Variants in PRKX observed in about 807,000 individuals in gnomAD.
PRKX encodes the protein protein kinase cAMP-dependent X-linked catalytic subunit.
In PRKX, 12 loss-of-function variants were observed where a neutral mutation model predicts 22.0. The observed-to-expected ratio is 0.54, with a 90% CI of 0.35 to 0.88. PRKX has a LOEUF of 0.88. Among genes scored for constraint, PRKX ranks in the 40% least tolerant of loss-of-function variants. PRKX has a pLI of 0.01. For missense variants in PRKX, 217 were observed against 308.0 expected, an observed-to-expected ratio of 0.70 and a Z score of 2.21; for synonymous variants, 134 against 137.7, an observed-to-expected ratio of 0.97 and a Z score of 0.19.
chrX:3,639,658 A>T (rs1219976320), intron 4 of PRKX, among the ~76,000 whole-genome samples: 2 of 109,443 alleles, frequency 1.8e-5, no homozygotes, highest in Non-Finnish European at 3.8e-5. Context: ...AACAATACAC[A>T]TGGATAGCTA....
intron 2 of PRKX, among the ~76,000 whole-genome samples, chrX:3,668,969 G>C (rs774554197): frequency 7.1e-5 from 8 of 112,751 alleles, no homozygotes; most frequent in Non-Finnish European, 1.3e-4. Flanking sequence ...ACGCTGGAGT[G>C]GGGGTGCTAG....
chrX:3,684,235 G>A lies in PRKX; in HGVS notation c.167-9469C>T, dbSNP rs763101203. 2.7e-5 allele frequency among the ~76,000 whole-genome samples: 3 copies of A among 112,322 alleles called. No individual in the cohort carries two copies. The East Asian group carries it at 8.4e-4, about 32-fold the overall frequency. On this transcript the variant is annotated intron_variant, in intron 1 of 8. Coordinates refer to ENST00000262848, the MANE Select transcript of PRKX (RefSeq NM_005044.5). ...CCACTGCACTCCAGCCTGGGCAACA[G>A]AGCGAGACTCCGTCTCAAAAAAACA... is the stretch of plus-strand genomic sequence containing the variant.
chrX:3,612,461 C>T, intron 7 of PRKX, 136 bp from the exon 8 acceptor site: 1 of 724,948 alleles, frequency 1.4e-6, no homozygotes, highest in Admixed American at 4.6e-5. Flanking sequence ...GTCTTCCCTT[C>T]ATTTATGAAA....
chrX:3,661,385 T>C (rs1308466176), intron 2 of PRKX, among the ~76,000 whole-genome samples: 1 of 110,909 alleles, frequency 9.0e-6, no homozygotes, highest in African/African-American at 3.3e-5. Context: ...GGCAGGAGGA[T>C]CACTTGAGAC....
At chrX:3,622,428 T>G (rs990042141) in intron 5 of PRKX, among the ~76,000 whole-genome samples, 1 of 110,844 alleles carries the variant, frequency 9.0e-6, no homozygotes, top group Non-Finnish European at 1.9e-5. Flanking sequence ...CGTCTAGGCT[T>G]TCCCAGCATA....
intron 2 of PRKX, among the ~76,000 whole-genome samples, chrX:3,659,729 G>GT (rs200394116): frequency 1.6e-3 from 52 of 32,668 alleles, no homozygotes; most frequent in South Asian, 4.6e-3. Context: ...TTTTTTTTTT[G>GT]TTTTTTTTTT....
chrX:3,663,660 G>GGGCA (rs1236491450), intron 2 of PRKX, among the ~76,000 whole-genome samples: 1 of 106,638 alleles, frequency 9.4e-6, no homozygotes, highest in Non-Finnish European at 1.9e-5. Context: ...AAAGTTAAAA[G>GGGCA]GGCAGGACTC....
chrX:3,617,237 T>C lies in PRKX; in HGVS notation c.874-1345A>G, dbSNP rs12392481. On this transcript the variant is annotated intron_variant, in intron 6 of 8. Transcript: ENST00000262848. ...TTAATATATACACATGTATTATATA[T>C]ATATATACACATATACATATGTACT... 7.8e-3 allele frequency among the ~76,000 whole-genome samples: 858 copies of C among 110,387 alleles called. 8 individuals are homozygous for C. The highest frequency in any genetic ancestry group is 0.027 in the African/African-American group (822 of 30,450).
chrX:3,653,861 A>ATATATTATATACTATGTGATATATAT (rs1927405464), intron 3 of PRKX, among the ~76,000 whole-genome samples: 3 of 77,789 alleles, frequency 3.9e-5, no homozygotes, highest in African/African-American at 5.4e-5. Flanking sequence ...TATATATATT[A>ATATATTATATACTATGTGATATATAT]TATATTATAT....
At chrX:3,701,685 C>T (rs1343056348) in intron 1 of PRKX, among the ~76,000 whole-genome samples, 1 of 111,627 alleles carries the variant, frequency 9.0e-6, no homozygotes, top group Non-Finnish European at 1.9e-5. Flanking sequence ...TTCTAAGTCA[C>T]GGGATGAGAT....
chrX:3,691,858 T>TTGAC (rs1237872207), intron 1 of PRKX, among the ~76,000 whole-genome samples: 4 of 109,156 alleles, frequency 3.7e-5, no homozygotes, highest in Non-Finnish European at 7.6e-5. Flanking sequence ...AGATGATTGA[T>TTGAC]TGATTGAATG....
intron 4 of PRKX, among the ~76,000 whole-genome samples, chrX:3,638,460 C>G (rs1926942053): frequency 1.8e-5 from 2 of 111,873 alleles, no homozygotes; most frequent in South Asian, 3.7e-4. Context: ...TCAGGCAATG[C>G]TGCCCTCGTG....
In PRKX at chrX:3,713,565, G is replaced by A. The variant is rs1282973479; in HGVS notation, c.-312C>T. 2.8e-5 allele frequency: 5 copies of A among 178,279 alleles called. No homozygotes were observed. Among genetic ancestry groups the A allele is most frequent in the Middle Eastern group, 1.9e-3 (1 of 540 alleles). The allele number at this position is 178,279 out of a possible 1,213,427, so 14.7% of individuals were successfully genotyped here. A position where few individuals can be genotyped will look rare whatever the true frequency, so the allele number is the denominator to read the frequency against. ...CCGGGCTGGGGGGGGCGAGGCGGGG[G>A]CCCTGCGCATTCCGGGTCTCGCGCC... On this transcript the variant is annotated 5_prime_UTR_variant, in exon 1 of 9. Coordinates refer to ENST00000262848, the MANE Select transcript of PRKX (RefSeq NM_005044.5).
intron 3 of PRKX, among the ~76,000 whole-genome samples, chrX:3,650,091 T>C (rs1927287251): frequency 9.0e-6 from 1 of 110,708 alleles, no homozygotes; most frequent in African/African-American, 3.3e-5. Flanking sequence ...TGGTGAGCCA[T>C]GGTTGCACTA....
intron 8 of PRKX, among the ~76,000 whole-genome samples, chrX:3,611,747 G>C (rs764413247): frequency 1.8e-5 from 2 of 111,787 alleles, no homozygotes; most frequent in South Asian, 7.5e-4. Flanking sequence ...AATTTCCTAT[G>C]AGGGCATATT....
intron 4 of PRKX, among the ~76,000 whole-genome samples, chrX:3,630,485 G>A (rs1569043696): frequency 9.0e-6 from 1 of 111,602 alleles, no homozygotes; most frequent in Admixed American, 9.5e-5. Context: ...GCGTGAACCC[G>A]GGAGGCGGAG....
At chrX:3,693,919 A>G (rs762499444) in intron 1 of PRKX, among the ~76,000 whole-genome samples, 6 of 98,547 alleles carry the variant, frequency 6.1e-5, no homozygotes, top group Admixed American at 4.4e-4. Flanking sequence ...CAGCCTGGAC[A>G]ACAGAGGGAG....
At chrX:3,681,111 G>A (rs1404694274) in intron 1 of PRKX, among the ~76,000 whole-genome samples, 1 of 111,585 alleles carries the variant, frequency 9.0e-6, no homozygotes, top group Non-Finnish European at 1.9e-5. Flanking sequence ...GCCAGGCACA[G>A]TGGTGCACAC....
In PRKX at chrX:3,617,456, C is replaced by T. The variant is rs748026357; in HGVS notation, c.874-1564G>A. ...CCCAGGAGTTTGAGACTAACCTGGG[C>T]AACAAAGTAAGACCTGGTCTCTACA... On this transcript the variant is annotated intron_variant, in intron 6 of 8. Transcript: ENST00000262848. 1.6e-4 allele frequency among the ~76,000 whole-genome samples: 17 copies of T among 109,250 alleles called. No homozygotes were observed. The South Asian group carries it at 6.0e-3, about 38-fold the overall frequency. The allele number at this position is 109,250 out of a possible 115,157, so 94.9% of individuals were successfully genotyped here.
Sources: allele counts gnomAD v4.1 joint callset (sites outside exome capture counted in the v4.1 genomes callset), GRCh38; gene constraint gnomAD v4.1.1; transcripts MANE v1.5; gene names NCBI Gene and HGNC (gene_info 2026-07-23, HGNC 2026-07-21).